The following SCHIP1 variants were observed in gnomAD, a reference collection of about 807,000 sequenced individuals.
SCHIP1 encodes the protein schwannomin interacting protein 1, also known as schwannomin-interacting protein 1.
Under a neutral mutation model 29.7 loss-of-function variants are expected in SCHIP1, and 8 were observed. That is an observed-to-expected ratio of 0.27 (90% CI 0.16 to 0.49). SCHIP1 has a LOEUF of 0.49. Among genes scored for constraint, SCHIP1 ranks in the 20% least tolerant of loss-of-function variants. The pLI is 0.99. For synonymous variants in SCHIP1, 76 were observed against 94.9 expected, an observed-to-expected ratio of 0.80 and a Z score of 1.16; for missense variants, 193 against 294.6, an observed-to-expected ratio of 0.66 and a Z score of 2.52.
chr3:159,603,842 A>G, the SCHIP1 span, among the ~76,000 whole-genome samples: 2 of 152,214 alleles, frequency 1.3e-5, no homozygotes, highest in Non-Finnish European at 2.9e-5. Context: ...TGAGAGGCTT[A>G]TAGCTGGTGA....
At chr3:159,401,951 G>A in the SCHIP1 span, among the ~76,000 whole-genome samples, 1 of 152,106 alleles carries the variant, frequency 6.6e-6, no homozygotes, top group Non-Finnish European at 1.5e-5. Context: ...AAACTAGAGA[G>A]CTTCTGCACA....
At chr3:159,648,690 C>T in the SCHIP1 span, among the ~76,000 whole-genome samples, 1 of 152,098 alleles carries the variant, frequency 6.6e-6, no homozygotes, top group Non-Finnish European at 1.5e-5. Context: ...CAGTGGACAA[C>T]TTTACCCAGG....
At chr3:159,712,553 C>CA in the SCHIP1 span, among the ~76,000 whole-genome samples, 832 of 131,240 alleles carry the variant, frequency 6.3e-3, 10 homozygotes, top group Admixed American at 0.027. Flanking sequence ...CCTGTCACTA[C>CA]AAAAAAAAAA....
the SCHIP1 span, among the ~76,000 whole-genome samples, chr3:159,563,091 G>A: frequency 6.6e-6 from 1 of 152,218 alleles, no homozygotes; most frequent in East Asian, 1.9e-4. Context: ...TCAGGAGAGA[G>A]GAAAAAGAAA....
the SCHIP1 span, among the ~76,000 whole-genome samples, chr3:159,413,721 C>G: frequency 1.3e-5 from 2 of 152,188 alleles, no homozygotes; most frequent in Non-Finnish European, 2.9e-5. Flanking sequence ...GACCTGGCTA[C>G]CTTTCCAGGG....
At chr3:159,356,322 GTA>G in the SCHIP1 span, among the ~76,000 whole-genome samples, 212 of 152,252 alleles carry the variant, frequency 1.4e-3, no homozygotes, top group African/African-American at 5.0e-3. Context: ...ACATAGTCTA[GTA>G]TAACATGTGC....
chr3:159,476,468 G>T, the SCHIP1 span, among the ~76,000 whole-genome samples: 94 of 152,030 alleles, frequency 6.2e-4, 1 homozygote, highest in Admixed American at 1.5e-3. Flanking sequence ...TGTTGCATTT[G>T]GTTGAAGAAG....
chr3:159,481,856 A>C, the SCHIP1 span, among the ~76,000 whole-genome samples: 8 of 152,312 alleles, frequency 5.3e-5, no homozygotes, highest in African/African-American at 1.9e-4. Context: ...CTTAATAAGA[A>C]AACACAAGGT....
the SCHIP1 span, among the ~76,000 whole-genome samples, chr3:159,288,485 C>T: frequency 6.6e-6 from 1 of 152,098 alleles, no homozygotes; most frequent in Non-Finnish European, 1.5e-5. Context: ...TGCCTGTAAC[C>T]CCAGCACTTT....
chr3:159,496,445 G>A, the SCHIP1 span, among the ~76,000 whole-genome samples: 1 of 152,056 alleles, frequency 6.6e-6, no homozygotes, highest in African/African-American at 2.4e-5. Flanking sequence ...GTAAGCGAAG[G>A]ATATGAACAT....
the SCHIP1 span, among the ~76,000 whole-genome samples, chr3:159,677,300 C>T: frequency 2.0e-5 from 3 of 152,194 alleles, no homozygotes; most frequent in Non-Finnish European, 4.4e-5. Context: ...CACTCAGAGG[C>T]CCAAGGAGTG....
At chr3:159,800,360 C>T in the SCHIP1 span, among the ~76,000 whole-genome samples, 9 of 152,228 alleles carry the variant, frequency 5.9e-5, no homozygotes, top group Admixed American at 1.3e-4. Flanking sequence ...GATAATGTCA[C>T]ACCTGCTCCA....
chr3:159,762,439 G>A, the SCHIP1 span, among the ~76,000 whole-genome samples: 1 of 152,164 alleles, frequency 6.6e-6, no homozygotes, highest in East Asian at 1.9e-4. Flanking sequence ...CAGGGTGGCA[G>A]CCACTCCCTA....
At chr3:159,453,338 A>G in the SCHIP1 span, among the ~76,000 whole-genome samples, 1 of 152,162 alleles carries the variant, frequency 6.6e-6, no homozygotes, top group African/African-American at 2.4e-5. Flanking sequence ...CCAGGGAGAT[A>G]AGCCATATGA....
chr3:159,358,295 G>A, the SCHIP1 span, among the ~76,000 whole-genome samples: 5 of 152,130 alleles, frequency 3.3e-5, no homozygotes, highest in African/African-American at 1.2e-4. Flanking sequence ...CAACCCGAGG[G>A]GCTCTCATAA....
the SCHIP1 span, among the ~76,000 whole-genome samples, chr3:159,481,487 T>C: frequency 6.6e-6 from 1 of 152,178 alleles, no homozygotes; most frequent in Non-Finnish European, 1.5e-5. Context: ...AAAATTTTGG[T>C]ATCTCCCATA....
the SCHIP1 span, among the ~76,000 whole-genome samples, chr3:159,467,326 G>T: frequency 6.6e-6 from 1 of 151,980 alleles, no homozygotes; most frequent in Non-Finnish European, 1.5e-5. Flanking sequence ...GTGCTATAGT[G>T]CTACAGTGAG....
the SCHIP1 span, among the ~76,000 whole-genome samples, chr3:159,773,786 G>A: frequency 6.6e-6 from 1 of 152,196 alleles, no homozygotes; most frequent in Non-Finnish European, 1.5e-5. Flanking sequence ...CTGGATGATA[G>A]AAAGCTAGCG....
chr3:159,438,396 G>A, the SCHIP1 span, among the ~76,000 whole-genome samples: 1 of 152,094 alleles, frequency 6.6e-6, no homozygotes, highest in African/African-American at 2.4e-5. Flanking sequence ...CTCCTTCGAA[G>A]ACCCATCTCT....
Sources: gnomAD v4.1 joint callset for allele counts (sites outside exome capture counted in the v4.1 genomes callset) on GRCh38, gnomAD v4.1.1 for gene constraint, MANE v1.5 for transcripts, NCBI Gene and HGNC (gene_info 2026-07-23, HGNC 2026-07-21) for gene names.